The following C19orf47 variants were observed in gnomAD, a reference collection of about 807,000 sequenced individuals.
C19orf47 encodes the protein uncharacterized protein C19orf47.
A neutral mutation model predicts 32.3 loss-of-function variants in C19orf47; 18 were observed. The observed-to-expected ratio is 0.56, with a 90% confidence interval of 0.39 to 0.83. The LOEUF (loss-of-function observed/expected upper bound fraction) is 0.83. C19orf47 is among the 40% of genes least tolerant of loss of function. C19orf47 has a pLI of 0.00. For synonymous variants in C19orf47, 202 were observed against 211.1 expected, an observed-to-expected ratio of 0.96 and a Z score of 0.37; for missense variants, 484 against 531.6, an observed-to-expected ratio of 0.91 and a Z score of 0.88.
chr19:40,309,379 G>T, the C19orf47 span, among the ~76,000 whole-genome samples: 1 of 151,960 alleles, frequency 6.6e-6, no homozygotes, highest in East Asian at 1.9e-4. Flanking sequence ...AGTAGGGACG[G>T]GGTTTCTCCA....
chr19:40,333,585 T>G (rs2077999428), intron 5 of C19orf47, among the ~76,000 whole-genome samples: 1 of 152,210 alleles, frequency 6.6e-6, no homozygotes, highest in South Asian at 2.1e-4. Context: ...GATTCTCCAT[T>G]GCTCTGTATT....
chr19:40,338,338 AATAT>A (rs999512072), intron 2 of C19orf47, among the ~76,000 whole-genome samples: 1 of 142,904 alleles, frequency 7.0e-6, no homozygotes, highest in South Asian at 2.2e-4. Context: ...TATATACACA[AATAT>A]ATATATACAC....
the C19orf47 span, among the ~76,000 whole-genome samples, chr19:40,294,992 C>T: frequency 6.6e-6 from 1 of 152,226 alleles, no homozygotes. Context: ...AAACACTATC[C>T]TTAATGCCTG....
the C19orf47 span, among the ~76,000 whole-genome samples, chr19:40,293,281 C>G: frequency 6.6e-6 from 1 of 151,208 alleles, no homozygotes; most frequent in Non-Finnish European, 1.5e-5. Flanking sequence ...GCTGGGATTA[C>G]AGGTGCCCAC....
intron 8 of C19orf47, among the ~76,000 whole-genome samples, chr19:40,323,061 G>A (rs550362685): frequency 7.9e-5 from 12 of 152,342 alleles, no homozygotes; most frequent in African/African-American, 2.4e-4. Flanking sequence ...CCTGAAGGCA[G>A]GAAGTATAAT....
the C19orf47 span, among the ~76,000 whole-genome samples, chr19:40,305,342 CAAA>C: frequency 1.7e-5 from 2 of 119,522 alleles, no homozygotes; most frequent in African/African-American, 3.1e-5. Context: ...GACTCTGTCT[CAAA>C]AAAAAAAAAA....
intron 7 of C19orf47, among the ~76,000 whole-genome samples, chr19:40,325,787 G>C (rs2145531471): frequency 6.6e-6 from 1 of 152,366 alleles, no homozygotes; most frequent in South Asian, 2.1e-4. Context: ...ATCTGAAAGT[G>C]CTGGAGTTAC....
At chr19:40,348,173 C>T (rs1008068509) in intron 1 of C19orf47, among the ~76,000 whole-genome samples, 151 bp downstream of exon 1, 4 of 152,176 alleles carry the variant, frequency 2.6e-5, no homozygotes, top group Non-Finnish European at 5.9e-5. Context: ...GGATTCTAAC[C>T]CCCATTCCAC....
At chr19:40,305,056 A>G in the C19orf47 span, among the ~76,000 whole-genome samples, 2 of 150,024 alleles carry the variant, frequency 1.3e-5, no homozygotes, top group Non-Finnish European at 3.0e-5. Flanking sequence ...AAATACAAAA[A>G]ATTAGGCCAG....
chr19:40,340,835 C>T lies in C19orf47; in HGVS notation c.19+1004G>A, dbSNP rs376650284. On this transcript the variant is annotated intron_variant, in intron 2 of 8. Coordinates refer to ENST00000683109, the MANE Select transcript of C19orf47 (RefSeq NM_001256441.2). Reference sequence around the variant, plus strand: ...CTCTACAAAAAATACAAAAATTAGCCGGGCGTGATGGTGTGTGACTATAGT... The same window carrying T: ...CTCTACAAAAAATACAAAAATTAGCTGGGCGTGATGGTGTGTGACTATAGT... Among the ~76,000 whole-genome samples, 1,132 of 149,844 alleles carry T rather than the reference C, an allele frequency of 7.6e-3. 20 individuals are homozygous for T. The highest frequency in any genetic ancestry group is 0.027 in the African/African-American group (1,087 of 40,720).
intron 7 of C19orf47, 62 bp downstream of exon 7, chr19:40,326,272 T>C: frequency 6.3e-7 from 1 of 1,597,550 alleles, no homozygotes; most frequent in African/African-American, 1.3e-5. Context: ...TGACGGGCCC[T>C]GTGTGATGCA....
chr19:40,294,022 A>T, the C19orf47 span, among the ~76,000 whole-genome samples: 6 of 152,088 alleles, frequency 3.9e-5, no homozygotes, highest in Non-Finnish European at 8.8e-5. Context: ...TAAGAGGCTG[A>T]GGCAGGAGAA....
intron 8 of C19orf47, among the ~76,000 whole-genome samples, chr19:40,323,697 G>C (rs1428053812): frequency 6.6e-6 from 1 of 152,196 alleles, no homozygotes; most frequent in East Asian, 1.9e-4. Context: ...ACTGCAATGG[G>C]GAGGGCAGGC....
intron 2 of C19orf47, among the ~76,000 whole-genome samples, chr19:40,338,498 C>A (rs146447186): frequency 3.9e-4 from 59 of 152,026 alleles, no homozygotes; most frequent in Non-Finnish European, 1.6e-4. Context: ...AATTCTCCTG[C>A]CTCAGCCTCC....
chr19:40,308,710 C>T, the C19orf47 span, among the ~76,000 whole-genome samples: 2 of 151,918 alleles, frequency 1.3e-5, no homozygotes, highest in South Asian at 2.1e-4. Flanking sequence ...GTGATCCGCC[C>T]GCCTCAGCCT....
Position 40,321,381 on chromosome 19 carries a change from A to G in C19orf47, c.*501T>C. 2 of 989,914 alleles carry G rather than the reference A, an allele frequency of 2.0e-6. No homozygotes were observed. The highest frequency in any genetic ancestry group is 1.7e-5 in the African/African-American group (1 of 57,392). The allele number at this position is 989,914 out of a possible 1,614,324, so 61.3% of individuals were successfully genotyped here. On this transcript the variant is annotated 3_prime_UTR_variant, in exon 9 of 9. Transcript: ENST00000683109. ...CACGGGGACAGAAAACAGAAGAGAA[A>G]TGAACAAAGTGAAGACAGGGAGAGA... is the stretch of plus-strand genomic sequence containing the variant.
chr19:40,341,854 C>A lies in C19orf47; in HGVS notation c.4G>T (p.Val2Phe). MVSVTMATSEWI... is the reference protein window; with the variant it reads MFSVTMATSEWI... ...ACAGACTCACCCATAGTCACGGAGA[C>A]CATCGTCTCCCTGGCCCTGACACTG... The change falls in exon 2 of 9, where the codon GTC becomes TTC. Residue 2 changes from valine to phenylalanine, a missense_variant. Around this residue, in one of 3 missense-constraint regions of C19orf47, gnomAD observed 57 missense variants for 86.9 expected, o/e 0.66. Coordinates refer to ENST00000683109, the MANE Select transcript of C19orf47 (RefSeq NM_001256441.2). 3 of 1,536,164 alleles carry A rather than the reference C, an allele frequency of 2.0e-6. No individual in the cohort carries two copies. The highest frequency in any genetic ancestry group is 2.6e-6 in the Non-Finnish European group (3 of 1,146,900).
At chr19:40,318,851 A>G (rs2077680613), downstream of C19orf47, among the ~76,000 whole-genome samples, 1 of 152,222 alleles carries the variant, frequency 6.6e-6, no homozygotes, top group Non-Finnish European at 1.5e-5. Flanking sequence ...TCAGCCCCCA[A>G]TATGACGTAA....
the C19orf47 span, among the ~76,000 whole-genome samples, chr19:40,312,458 T>C: frequency 2.0e-5 from 3 of 151,610 alleles, no homozygotes; most frequent in African/African-American, 7.3e-5. Flanking sequence ...GGCAGGAGAA[T>C]GGCGTGAACC....
Sources: allele counts gnomAD v4.1 joint callset (sites outside exome capture counted in the v4.1 genomes callset), GRCh38; gene constraint gnomAD v4.1.1; regional missense constraint gnomAD v4.1.1; transcripts MANE v1.5; gene names NCBI Gene and HGNC (gene_info 2026-07-23, HGNC 2026-07-21).